The following UGGT1 variants were observed in gnomAD, a reference collection of about 807,000 sequenced individuals.
UGGT1 encodes the protein UDP-glucose glycoprotein glucosyltransferase 1.
In UGGT1, 107 loss-of-function variants were observed where a neutral mutation model predicts 203.9. The observed-to-expected ratio is 0.52, with a 90% CI of 0.45 to 0.62. UGGT1 has a LOEUF of 0.62. UGGT1 is among the 20% of genes least tolerant of loss of function. The pLI is 0.00. For missense variants in UGGT1, 1,673 were observed against 1,867.2 expected (o/e 0.90, Z 1.92); for synonymous variants, 628 against 653.5 (o/e 0.96, Z 0.59).
intron 26 of UGGT1, among the ~76,000 whole-genome samples, chr2:128,167,457 CA>C (rs1259040885): frequency 1.3e-5 from 2 of 152,240 alleles, no homozygotes; most frequent in East Asian, 3.9e-4. Context: ...TTCTTGCCCT[CA>C]AAGTGTGGTC....
chr2:128,102,550 T>C lies in UGGT1; in HGVS notation c.195-1382T>C, dbSNP rs558994396. Among the ~76,000 whole-genome samples the C allele has an allele frequency of 5.3e-5, 8 of 152,276 alleles. No homozygotes were observed. In the East Asian group the frequency reaches 1.5e-3, roughly 29 times the overall value. On this transcript the variant is annotated intron_variant, in intron 2 of 40. Coordinates refer to ENST00000259253, the MANE Select transcript of UGGT1 (RefSeq NM_020120.4). ...AAAAAAGGCAGCATTTCTTTAATAA[T>C]ATCTTGTATTGTTATTCTCTCCTCT... is the stretch of plus-strand genomic sequence containing the variant.
intron 3 of UGGT1, 57 bp downstream of exon 3, chr2:128,104,071 A>G: frequency 7.1e-7 from 1 of 1,399,056 alleles, no homozygotes; most frequent in South Asian, 1.4e-5. Flanking sequence ...ATTAGGAAAA[A>G]ATTGTCTCTT....
chr2:128,183,615 G>A, intron 37 of UGGT1, 60 bp from the exon 38 acceptor site: 1 of 1,283,094 alleles, frequency 7.8e-7, no homozygotes, highest in Non-Finnish European at 1.1e-6. Context: ...TTATTCATTG[G>A]GTTTAGTTTT....
In UGGT1 at chr2:128,192,671, G is replaced by C. The variant is rs572636070; in HGVS notation, c.*2929G>C. 1.2e-4 allele frequency: 19 copies of C among 152,352 alleles called. No individual in the cohort carries two copies. The highest frequency in any genetic ancestry group is 1.1e-3 in the Admixed American group (17 of 15,298). 9.4% of individuals were successfully genotyped at this position (152,352 alleles called of 1,614,324 possible). ...AGCCTGTCACAGCCTGCTGCTGGGG[G>C]TGTGGGGATATGCCAGAGTCCTGTG... On this transcript the variant is annotated 3_prime_UTR_variant, in exon 41 of 41. Transcript: ENST00000259253.
chr2:128,182,295 T>C lies in UGGT1; in HGVS notation c.4244+5T>C. 6.2e-7 allele frequency: 1 copy of C among 1,609,574 alleles called. No homozygotes were observed. The highest frequency in any genetic ancestry group is 8.5e-7 in the Non-Finnish European group (1 of 1,178,430). ...CGGGCGAAAGTATCATATCAGGTACTGAAAAGAAGCACTCCTAACACTGTT... is the reference window on the plus strand; with the variant it reads ...CGGGCGAAAGTATCATATCAGGTACCGAAAAGAAGCACTCCTAACACTGTT... On this transcript the variant is annotated splice_donor_5th_base_variant and intron_variant, in intron 37 of 40. Transcript: ENST00000259253.
intron 30 of UGGT1, among the ~76,000 whole-genome samples, 175 bp from the exon 31 acceptor site, chr2:128,174,598 G>C (rs1298784461): frequency 6.6e-6 from 1 of 152,136 alleles, no homozygotes; most frequent in Admixed American, 6.6e-5. Flanking sequence ...ACCGCACCTG[G>C]TCTGTGCTAG....
At chr2:128,112,462 A>ATATATATATATATATATATATATATG (rs1458231232) in intron 5 of UGGT1, among the ~76,000 whole-genome samples, 2 of 120,346 alleles carry the variant, frequency 1.7e-5, no homozygotes, top group Non-Finnish European at 3.6e-5. Flanking sequence ...TGTTATATAT[A>ATATATATATATATATATATATATATG]TATATATATA....
Position 128,129,810 on chromosome 2 carries a change from C to T in UGGT1, c.1377+631C>T, listed in dbSNP as rs574962443. 7.2e-5 allele frequency among the ~76,000 whole-genome samples: 11 copies of T among 152,178 alleles called. No homozygotes were observed. In the East Asian group the frequency reaches 9.6e-4, roughly 13 times the overall value. ...ATTGCATACAGATCTTGTGTGATGT[C>T]GTGACATCTGTAAATTAAAACTACT... On this transcript the variant is annotated intron_variant, in intron 13 of 40. Transcript: ENST00000259253.
chr2:128,151,192 A>G, intron 18 of UGGT1: 1 of 533,252 alleles, frequency 1.9e-6, no homozygotes, highest in Non-Finnish European at 3.6e-6. Flanking sequence ...TCCCTTCCCC[A>G]TAGCCTTCTA....
At chr2:128,175,192 G>C (rs1320902637) in intron 31 of UGGT1, among the ~76,000 whole-genome samples, 1 of 152,138 alleles carries the variant, frequency 6.6e-6, no homozygotes, top group African/African-American at 2.4e-5. Flanking sequence ...AAGAAAGAAA[G>C]AACAGCCACA....
chr2:128,186,863 A>G, intron 39 of UGGT1, 64 bp downstream of exon 39: 1 of 1,156,918 alleles, frequency 8.6e-7, no homozygotes, highest in Non-Finnish European at 1.2e-6. Flanking sequence ...ATCACGATTA[A>G]TGATTTTTAT....
At chr2:128,119,617 A>C (rs1384247703) in intron 8 of UGGT1, among the ~76,000 whole-genome samples, 1 of 152,220 alleles carries the variant, frequency 6.6e-6, no homozygotes, top group African/African-American at 2.4e-5. Flanking sequence ...TATTCATGTT[A>C]CTAAGAGATT....
rs1249930529 is a variant in UGGT1, at chr2:128,193,935, G to A, written c.*4193G>A. On this transcript the variant is annotated 3_prime_UTR_variant, in exon 41 of 41. Transcript: ENST00000259253. Reference sequence around the variant, plus strand: ...AAAGAAAAAGAGTTACAAGGGAATTGTAGTCTTTTTCTGAATAGAATATTA... The same window carrying A: ...AAAGAAAAAGAGTTACAAGGGAATTATAGTCTTTTTCTGAATAGAATATTA... 1.3e-5 allele frequency: 2 copies of A among 152,216 alleles called. No homozygotes were observed. The highest frequency in any genetic ancestry group is 4.8e-5 in the African/African-American group (2 of 41,458). 9.4% of individuals were successfully genotyped at this position (152,216 alleles called of 1,614,324 possible).
chr2:128,091,362 G>T lies in UGGT1; in HGVS notation c.5G>T (p.Gly2Val). 1 of 1,566,704 alleles carries T rather than the reference G, an allele frequency of 6.4e-7. No homozygotes were observed. Among genetic ancestry groups the T allele is most frequent in the Non-Finnish European group, 8.7e-7 (1 of 1,156,012 alleles). ...CGGACTGACCACGGCCCGGGCATGG[G>T]CTGCAAGGGAGACGCGAGCGGTGCG... M[G>V]CKGDASGACA... is the part of the protein sequence containing the mutation. The change falls in exon 1 of 41, where the codon GGC becomes GTC. Residue 2 changes from glycine to valine, a missense_variant. This residue lies in a region of UGGT1 where 83 missense variants were observed against 87.2 expected (regional missense o/e 0.95). Coordinates refer to ENST00000259253, the MANE Select transcript of UGGT1 (RefSeq NM_020120.4).
chr2:128,161,569 G>A (rs951525290), intron 25 of UGGT1, among the ~76,000 whole-genome samples: 1 of 152,126 alleles, frequency 6.6e-6, no homozygotes, highest in African/African-American at 2.4e-5. Flanking sequence ...TTATTACCTG[G>A]AATACTTATG....
chr2:128,114,980 A>G (rs1258934134), intron 6 of UGGT1, 144 bp from the exon 7 acceptor site: 8 of 726,228 alleles, frequency 1.1e-5, no homozygotes, highest in Non-Finnish European at 1.8e-5. Flanking sequence ...TATAGTTAAT[A>G]TCGTTAAAAA....
rs1691524053 is a variant in UGGT1 at position 128,178,665 on chromosome 2, C to A, written c.3815+96C>A. On this transcript the variant is annotated intron_variant, in intron 34 of 40. Transcript: ENST00000259253. ...GTTTTGTGGGATTCTGCTCATTATA[C>A]TCCTGTGTCTTTGAAGCACTCTGAG... 10 of 1,057,442 alleles carry A rather than the reference C, an allele frequency of 9.5e-6. No homozygotes were observed. In the South Asian group the frequency reaches 1.2e-4, roughly 13 times the overall value. The allele number at this position is 1,057,442 out of a possible 1,614,324, so 65.5% of individuals were successfully genotyped here. A position where few individuals can be genotyped will look rare whatever the true frequency, so the allele number is the denominator to read the frequency against.
intron 22 of UGGT1, 43 bp from the exon 23 acceptor site, chr2:128,159,471 A>G: frequency 6.4e-7 from 1 of 1,574,278 alleles, no homozygotes; most frequent in Non-Finnish European, 8.7e-7. Flanking sequence ...TTTAAGTTCA[A>G]AAATATCTAC....
At chr2:128,140,917 A>C (rs1256356292) in intron 16 of UGGT1, among the ~76,000 whole-genome samples, 1 of 152,054 alleles carries the variant, frequency 6.6e-6, no homozygotes, top group African/African-American at 2.4e-5. Context: ...CGAACTACTG[A>C]GCTTAAACAA....
Sources: gnomAD v4.1 joint callset for allele counts (sites outside exome capture counted in the v4.1 genomes callset) on GRCh38, gnomAD v4.1.1 for gene constraint, gnomAD v4.1.1 regional missense constraint, MANE v1.5 for transcripts, NCBI Gene and HGNC (gene_info 2026-07-23, HGNC 2026-07-21) for gene names.